Variants in RUNDC3B observed in about 807,000 individuals in gnomAD.
RUNDC3B encodes RUN domain-containing protein 3B.
Under a neutral mutation model 58.4 loss-of-function variants are expected in RUNDC3B, and 33 were observed. The ratio of observed to expected loss-of-function variants is 0.56; its 90% CI spans 0.43 to 0.75. The LOEUF (loss-of-function observed/expected upper bound fraction) is 0.75. Among genes scored for constraint, RUNDC3B ranks in the 30% least tolerant of loss-of-function variants. The pLI is 0.00. For synonymous variants in RUNDC3B, 193 were observed against 195.2 expected (o/e 0.99, Z 0.10); for missense variants, 501 against 535.7 (o/e 0.94, Z 0.64).
intron 4 of RUNDC3B, among the ~76,000 whole-genome samples, chr7:87,731,887 C>T (rs59091064): frequency 0.013 from 1,937 of 152,240 alleles, 42 homozygotes; most frequent in African/African-American, 0.044. Context: ...AATGAAACAT[C>T]GGGTTGGAGG....
At chr7:87,724,795 G>C (rs1381430334) in intron 4 of RUNDC3B, among the ~76,000 whole-genome samples, 1 of 151,862 alleles carries the variant, frequency 6.6e-6, no homozygotes, top group Non-Finnish European at 1.5e-5. Flanking sequence ...ATAGTTCATA[G>C]TATTTGTGTA....
intron 1 of RUNDC3B, among the ~76,000 whole-genome samples, chr7:87,633,324 T>A (rs964454729): frequency 6.6e-6 from 1 of 152,212 alleles, no homozygotes; most frequent in Non-Finnish European, 1.5e-5. Context: ...AAAAAATGAT[T>A]ACACGTTTCC....
At chr7:87,813,545 CAG>C (rs1167970394) in intron 9 of RUNDC3B, among the ~76,000 whole-genome samples, 4 of 152,036 alleles carry the variant, frequency 2.6e-5, no homozygotes, top group Admixed American at 2.0e-4. Context: ...AAATCAGTGT[CAG>C]AAACTCATCT....
chr7:87,738,263 C>T (rs1657369429), intron 4 of RUNDC3B, among the ~76,000 whole-genome samples: 1 of 152,052 alleles, frequency 6.6e-6, no homozygotes, highest in South Asian at 2.1e-4. Flanking sequence ...GTTATTGGAC[C>T]AGGGACAAAG....
intron 4 of RUNDC3B, among the ~76,000 whole-genome samples, chr7:87,731,709 G>A (rs548900903): frequency 6.6e-6 from 1 of 152,216 alleles, no homozygotes; most frequent in Non-Finnish European, 1.5e-5. Context: ...AGCTCAGCAA[G>A]AGAATATAAC....
At chr7:87,735,667 C>G (rs1831882743) in intron 4 of RUNDC3B, among the ~76,000 whole-genome samples, 1 of 152,112 alleles carries the variant, frequency 6.6e-6, no homozygotes, top group African/African-American at 2.4e-5. Flanking sequence ...TATTAATGTT[C>G]TGTGGCCTGC....
At chr7:87,812,281 C>G (rs912254913) in intron 9 of RUNDC3B, among the ~76,000 whole-genome samples, 1 of 152,048 alleles carries the variant, frequency 6.6e-6, no homozygotes, top group Non-Finnish European at 1.5e-5. Flanking sequence ...TCCCAAATGC[C>G]CATGACATAA....
intron 2 of RUNDC3B, among the ~76,000 whole-genome samples, chr7:87,657,326 C>T (rs1390714714): frequency 1.3e-5 from 2 of 152,166 alleles, no homozygotes; most frequent in Non-Finnish European, 2.9e-5. Flanking sequence ...ATACTATTCT[C>T]TCTAGCCAAA....
intron 10 of RUNDC3B, among the ~76,000 whole-genome samples, chr7:87,820,229 AC>A (rs1837338735): frequency 6.6e-6 from 1 of 152,210 alleles, no homozygotes; most frequent in South Asian, 2.1e-4. Context: ...TCACAGAAAT[AC>A]AAACTACCAT....
intron 2 of RUNDC3B, among the ~76,000 whole-genome samples, chr7:87,666,372 A>G (rs970950330): frequency 1.3e-5 from 2 of 151,978 alleles, no homozygotes; most frequent in South Asian, 2.1e-4. Context: ...TAAGTTCCTT[A>G]TAGATGCTGG....
At chr7:87,692,767 A>C (rs1055107168) in intron 2 of RUNDC3B, among the ~76,000 whole-genome samples, 1 of 152,240 alleles carries the variant, frequency 6.6e-6, no homozygotes, top group African/African-American at 2.4e-5. Flanking sequence ...TCTGATTTAC[A>C]TTCAATGTTG....
intron 8 of RUNDC3B, among the ~76,000 whole-genome samples, chr7:87,790,875 T>C (rs1835489078): frequency 6.6e-6 from 1 of 152,154 alleles, no homozygotes; most frequent in Non-Finnish European, 1.5e-5. Context: ...TCTAAGTCAT[T>C]CACCTTGAAG....
intron 2 of RUNDC3B, chr7:87,693,903 T>C: frequency 1.2e-6 from 2 of 1,606,534 alleles, no homozygotes; most frequent in Non-Finnish European, 8.5e-7. Flanking sequence ...ATTTTTTTTT[T>C]AAAGAGATTT....
chr7:87,829,153 C>G (rs183526005), intron 10 of RUNDC3B, among the ~76,000 whole-genome samples: 1 of 152,096 alleles, frequency 6.6e-6, no homozygotes, highest in East Asian at 1.9e-4. Context: ...TTGCTCACCT[C>G]TTAATGGGGT....
intron 2 of RUNDC3B, among the ~76,000 whole-genome samples, chr7:87,666,839 T>A (rs1229829064): frequency 6.6e-6 from 1 of 152,178 alleles, no homozygotes. Context: ...TCTGTTCCAT[T>A]GGTCTATGTG....
At chr7:87,756,853 GTT>G (rs1466988679) in intron 6 of RUNDC3B, among the ~76,000 whole-genome samples, 2 of 152,028 alleles carry the variant, frequency 1.3e-5, no homozygotes, top group African/African-American at 4.8e-5. Context: ...AATATGCACT[GTT>G]TGAAGAAATC....
intron 7 of RUNDC3B, among the ~76,000 whole-genome samples, chr7:87,774,111 C>T (rs1258294025): frequency 1.3e-5 from 2 of 151,918 alleles, no homozygotes; most frequent in African/African-American, 4.8e-5. Flanking sequence ...AGTTAGATAT[C>T]AATACAAACA....
chr7:87,669,966 A>T (rs1825667198), intron 2 of RUNDC3B, among the ~76,000 whole-genome samples: 1 of 152,104 alleles, frequency 6.6e-6, no homozygotes, highest in African/African-American at 2.4e-5. Context: ...ATCTTCTTGT[A>T]TAGAATCTTG....
At chr7:87,670,998 G>A (rs574043377) in intron 2 of RUNDC3B, among the ~76,000 whole-genome samples, 1 of 152,328 alleles carries the variant, frequency 6.6e-6, no homozygotes, top group African/African-American at 2.4e-5. Context: ...TCTCAAGTTG[G>A]AGGCAGCAGA....
Sources: gnomAD v4.1 joint callset for allele counts (sites outside exome capture counted in the v4.1 genomes callset) on GRCh38, gnomAD v4.1.1 for gene constraint, MANE v1.5 for transcripts, NCBI Gene and HGNC (gene_info 2026-07-23, HGNC 2026-07-21) for gene names.